Variants in CSMD3 observed in about 807,000 individuals in gnomAD.
CSMD3 encodes the protein CUB and sushi domain-containing protein 3.
CSMD3 carries 177 observed loss-of-function variants against 435.2 expected under a neutral mutation model. That is an observed-to-expected ratio of 0.41 (90% CI 0.36 to 0.46). The LOEUF (loss-of-function observed/expected upper bound fraction) is 0.46, where lower values mean the gene tolerates loss of function less well. CSMD3 is among the 20% of genes least tolerant of loss of function. CSMD3 has a pLI of 0.34. For missense variants in CSMD3, 4,265 were observed against 4,504.6 expected (o/e 0.95, Z 1.52); for synonymous variants, 1,656 against 1,520.5 (o/e 1.09, Z -2.07).
At chr8:112,934,541 C>T (rs910217955) in intron 9 of CSMD3, among the ~76,000 whole-genome samples, 1 of 152,140 alleles carries the variant, frequency 6.6e-6, no homozygotes, top group Non-Finnish European at 1.5e-5. Flanking sequence ...TCAGTGGCTG[C>T]TCTGATGAAA....
intron 10 of CSMD3, among the ~76,000 whole-genome samples, chr8:112,890,540 G>A (rs1179654935): frequency 6.6e-6 from 1 of 151,626 alleles, no homozygotes; most frequent in Non-Finnish European, 1.5e-5. Flanking sequence ...TACTGCAGGA[G>A]GCTCCCGAAT....
chr8:113,246,619 T>C (rs1006282481), intron 3 of CSMD3, among the ~76,000 whole-genome samples: 8 of 152,148 alleles, frequency 5.3e-5, no homozygotes, highest in African/African-American at 1.7e-4. Flanking sequence ...TTATGGGCCA[T>C]AGTTTCCTGT....
At position 113,206,188 on chromosome 8, in the gene CSMD3, CAT is replaced by C. The variant is rs575219357; in HGVS notation, c.515-32274_515-32273del. On this transcript the variant is annotated intron_variant, in intron 3 of 70. Transcript: ENST00000297405. Reference sequence around the variant, plus strand: ...CCAAGAACGAGACTACAAAATTGCACATGTCCCCCTATATTTTGATTTCTTTA... The same window carrying C: ...CCAAGAACGAGACTACAAAATTGCACGTCCCCCTATATTTTGATTTCTTTA... 1.1e-3 allele frequency among the ~76,000 whole-genome samples: 168 copies of C among 152,152 alleles called. 1 individual carries two copies. Among genetic ancestry groups the C allele is most frequent in the African/African-American group, 3.7e-3 (153 of 41,540 alleles).
intron 10 of CSMD3, among the ~76,000 whole-genome samples, chr8:112,865,686 CCACACACACA>C (rs3220985): frequency 2.3e-5 from 1 of 43,122 alleles, no homozygotes; most frequent in Non-Finnish European, 5.8e-5. Context: ...TTTACATACC[CCACACACACA>C]CACACACACA....
intron 24 of CSMD3, among the ~76,000 whole-genome samples, chr8:112,568,838 C>A (rs539061125): frequency 6.6e-6 from 1 of 152,074 alleles, no homozygotes; most frequent in Non-Finnish European, 1.5e-5. Flanking sequence ...GTATCTTTAA[C>A]CTAATTTTTT....
chr8:112,577,183 A>T (rs528941371), intron 23 of CSMD3, among the ~76,000 whole-genome samples: 2 of 152,132 alleles, frequency 1.3e-5, no homozygotes, highest in East Asian at 3.9e-4. Flanking sequence ...GAAGATTTTT[A>T]TAGTAATGAT....
chr8:112,802,849 T>A (rs912819809), intron 12 of CSMD3, among the ~76,000 whole-genome samples: 1 of 151,870 alleles, frequency 6.6e-6, no homozygotes, highest in Non-Finnish European at 1.5e-5. Context: ...TTTATTAATT[T>A]AAATTTAAAA....
chr8:112,953,155 T>G (rs2083888882), intron 8 of CSMD3, among the ~76,000 whole-genome samples: 1 of 151,508 alleles, frequency 6.6e-6, no homozygotes, highest in Non-Finnish European at 1.5e-5. Flanking sequence ...GCTGTAATTC[T>G]ACTTAGAATT....
intron 1 of CSMD3, among the ~76,000 whole-genome samples, chr8:113,317,659 A>C (rs1284367528): frequency 1.3e-5 from 2 of 152,164 alleles, no homozygotes; most frequent in East Asian, 3.9e-4. Flanking sequence ...TACTTTAAAA[A>C]TTTGAAAATC....
At chr8:112,246,666 A>C (rs1469256947) in intron 64 of CSMD3, among the ~76,000 whole-genome samples, 1 of 152,224 alleles carries the variant, frequency 6.6e-6, no homozygotes, top group Non-Finnish European at 1.5e-5. Flanking sequence ...ATTTTTAAAA[A>C]TTAGAAGCTG....
intron 56 of CSMD3, among the ~76,000 whole-genome samples, chr8:112,291,175 T>C (rs1449281310): frequency 1.3e-5 from 2 of 151,942 alleles, no homozygotes; most frequent in Non-Finnish European, 2.9e-5. Flanking sequence ...TTGCCTTAAA[T>C]GAAATATTAA....
chr8:112,655,299 G>T (rs1299772333), intron 18 of CSMD3, among the ~76,000 whole-genome samples: 1 of 151,950 alleles, frequency 6.6e-6, no homozygotes. Flanking sequence ...ATCTGCATTT[G>T]AAATAAAGAC....
At chr8:113,207,921 G>A (rs1372822684) in intron 3 of CSMD3, among the ~76,000 whole-genome samples, 2 of 152,058 alleles carry the variant, frequency 1.3e-5, no homozygotes, top group Non-Finnish European at 2.9e-5. Flanking sequence ...TCATTTCCCT[G>A]TCTGATTTCA....
chr8:113,084,534 A>T (rs2089682650), intron 5 of CSMD3, among the ~76,000 whole-genome samples: 1 of 151,752 alleles, frequency 6.6e-6, no homozygotes. Context: ...ACCTGAAGGA[A>T]TATACAGATT....
At chr8:113,269,590 T>G (rs1380215833) in intron 3 of CSMD3, among the ~76,000 whole-genome samples, 1 of 152,064 alleles carries the variant, frequency 6.6e-6, no homozygotes, top group East Asian at 1.9e-4. Context: ...CAAAACAGCA[T>G]GGTACTGGTA....
At chr8:113,101,563 T>G (rs889642861) in intron 4 of CSMD3, among the ~76,000 whole-genome samples, 4 of 151,986 alleles carry the variant, frequency 2.6e-5, no homozygotes, top group Non-Finnish European at 5.9e-5. Flanking sequence ...ACAATGCTGA[T>G]AAATAACTCT....
intron 17 of CSMD3, among the ~76,000 whole-genome samples, chr8:112,657,064 T>A (rs2075275166): frequency 6.8e-6 from 1 of 147,918 alleles, no homozygotes; most frequent in African/African-American, 2.5e-5. Context: ...CTTTTTACTT[T>A]TTTTTTTTTT....
chr8:113,398,520 C>A (rs1246518415), intron 1 of CSMD3, among the ~76,000 whole-genome samples: 1 of 152,152 alleles, frequency 6.6e-6, no homozygotes, highest in African/African-American at 2.4e-5. Flanking sequence ...GAATTGTCGA[C>A]ATCCCAAAAA....
intron 22 of CSMD3, among the ~76,000 whole-genome samples, chr8:112,596,790 C>T (rs1323421962): frequency 6.6e-6 from 1 of 151,980 alleles, no homozygotes; most frequent in Non-Finnish European, 1.5e-5. Flanking sequence ...GAAATGAAGG[C>T]AGAAATAAAG....
Sources: allele counts gnomAD v4.1 joint callset (sites outside exome capture counted in the v4.1 genomes callset), GRCh38; gene constraint gnomAD v4.1.1; transcripts MANE v1.5; gene names NCBI Gene and HGNC (gene_info 2026-07-23, HGNC 2026-07-21).